Variants in DDTL observed in about 807,000 individuals in gnomAD.
DDTL encodes D-dopachrome tautomerase like.
Under a neutral mutation model 1.1 loss-of-function variants are expected in DDTL, and 1 was observed. That is an observed-to-expected ratio of 0.91 (90% CI 0.32 to 4.31). The LOEUF is 4.31. Ranked by LOEUF, DDTL falls within the 30% of genes most tolerant of loss-of-function variation. The probability of loss-of-function intolerance (pLI) is 0.17; values close to 1 mark genes in which losing one functional copy is unlikely to be tolerated. For synonymous variants in DDTL, 21 were observed against 16.6 expected (o/e 1.26, Z -0.64); for missense variants, 54 against 48.9 (o/e 1.10, Z -0.31).
At position 23,969,872 on chromosome 22, in the gene DDTL, A is replaced by C. The variant is rs373617931; in HGVS notation, c.285-1414A>C. ...CTCCAATAAAGTACACGAAATAAAG[A>C]ATAAAGTTAAACAGTCAGTCCCAGT... On this transcript the variant is annotated intron_variant, in intron 2 of 2. Coordinates refer to ENST00000215770, the MANE Select transcript of DDTL (RefSeq NM_001084393.2). 214 of 985,782 alleles carry C rather than the reference A, an allele frequency of 2.2e-4. 3 individuals are homozygous for C. The African/African-American group carries it at 3.5e-3, about 16-fold the overall frequency. 61.1% of individuals were successfully genotyped at this position (985,782 alleles called of 1,614,324 possible). A position where few individuals can be genotyped will look rare whatever the true frequency, so the allele number is the denominator to read the frequency against.
Position 23,971,842 on chromosome 22 carries a change from A to T in DDTL, c.*436A>T. The stretch of plus-strand genomic sequence containing the variant: ...GGTAGCCGCACATCATGACCCAGCT[A>T]GGACAGACACACAATACAGTAGCCT... On this transcript the variant is annotated 3_prime_UTR_variant, in exon 3 of 3. Transcript: ENST00000215770. The T allele has an allele frequency of 1.7e-6, 1 of 576,410 alleles. No homozygotes were observed. The allele number at this position is 576,410 out of a possible 1,614,324, so 35.7% of individuals were successfully genotyped here. A position where few individuals can be genotyped will look rare whatever the true frequency, so the allele number is the denominator to read the frequency against.
Position 23,971,745 on chromosome 22 carries a change from T to C in DDTL, c.*339T>C, listed in dbSNP as rs1289015545. On this transcript the variant is annotated 3_prime_UTR_variant, in exon 3 of 3. Coordinates refer to ENST00000215770, the MANE Select transcript of DDTL (RefSeq NM_001084393.2). ...AGCCTGCCTCAGTCCACCAGGCATT[T>C]TGCAAACCTGCTCATCCCAATAATG... 1.2e-6 allele frequency: 1 copy of C among 829,658 alleles called. No individual in the cohort carries two copies. The highest frequency in any genetic ancestry group is 2.6e-5 in the East Asian group (1 of 37,838). 51.4% of individuals were successfully genotyped at this position (829,658 alleles called of 1,614,324 possible).
In DDTL at chr22:23,971,487, T is replaced by A. The variant is rs993183169; in HGVS notation, c.*81T>A. 1.2e-5 allele frequency: 20 copies of A among 1,608,740 alleles called. No homozygotes were observed. Among genetic ancestry groups the A allele is most frequent in the Non-Finnish European group, 1.3e-5 (15 of 1,176,490 alleles). On this transcript the variant is annotated 3_prime_UTR_variant, in exon 3 of 3. Transcript: ENST00000215770. ...GCTGGTTATCTCCAGGCCCTCACTC[T>A]GCCAAGAGATCTCTCTGGAAGAAGC...
intron 2 of DDTL, among the ~76,000 whole-genome samples, chr22:23,970,307 T>C (rs2033876892): frequency 6.6e-6 from 1 of 152,098 alleles, no homozygotes; most frequent in Non-Finnish European, 1.5e-5. Flanking sequence ...GGTGTATATG[T>C]GTGTGATGTG....
chr22:23,971,870 G>C lies in DDTL; in HGVS notation c.*464G>C, dbSNP rs2033911459. The stretch of plus-strand genomic sequence containing the variant: ...ACAGACACACAATACAGTAGCCTCG[G>C]TGTGTGTGCCGTACACTCTATCATC... On this transcript the variant is annotated 3_prime_UTR_variant, in exon 3 of 3. Transcript: ENST00000215770. 3.9e-6 allele frequency: 2 copies of C among 512,610 alleles called. No individual in the cohort carries two copies. Among genetic ancestry groups the C allele is most frequent in the African/African-American group, 3.8e-5 (2 of 52,280 alleles). The allele number at this position is 512,610 out of a possible 1,614,324, so 31.8% of individuals were successfully genotyped here. A position where few individuals can be genotyped will look rare whatever the true frequency, so the allele number is the denominator to read the frequency against.
At position 23,971,552 on chromosome 22, in the gene DDTL, C is replaced by T; in HGVS notation, c.*146C>T. On this transcript the variant is annotated 3_prime_UTR_variant, in exon 3 of 3. Coordinates refer to ENST00000215770, the MANE Select transcript of DDTL (RefSeq NM_001084393.2). ...TGCCCTGGATCCCTCCGTGCCCAAT[C>T]ATAAAAAAGTCATGACCGTCCCTAT... 6.2e-7 allele frequency: 1 copy of T among 1,614,034 alleles called. No individual in the cohort carries two copies. Among genetic ancestry groups the T allele is most frequent in the Non-Finnish European group, 8.5e-7 (1 of 1,179,956 alleles).
At chr22:23,970,941 G>C (rs1246968117) in intron 2 of DDTL, among the ~76,000 whole-genome samples, 2 of 151,704 alleles carry the variant, frequency 1.3e-5, no homozygotes, top group Admixed American at 6.6e-5. Context: ...GCAACCCTGG[G>C]GAGGAGGAGG....
chr22:23,969,770 G>T, intron 2 of DDTL: 1 of 985,874 alleles, frequency 1.0e-6, no homozygotes, highest in Non-Finnish European at 1.2e-6. Context: ...AATAATCTGA[G>T]TTTCCACCAC....
chr22:23,971,181 G>C, intron 2 of DDTL, 105 bp from the exon 3 acceptor site: 3 of 1,496,480 alleles, frequency 2.0e-6, no homozygotes, highest in South Asian at 2.8e-5. Flanking sequence ...AGCTGGACCA[G>C]CTGCTCACAC....
Position 23,972,505 on chromosome 22 carries a change from GTTGTA to G in DDTL, c.*1104_*1108del, listed in dbSNP as rs1411393427. The G allele has an allele frequency of 2.3e-5, 4 of 170,770 alleles. No individual in the cohort carries two copies. The highest frequency in any genetic ancestry group is 4.8e-5 in the African/African-American group (2 of 41,242). The allele number at this position is 170,770 out of a possible 1,614,324, so 10.6% of individuals were successfully genotyped here. ...ATATAATGTACGTACTATGTAAATAGTTGTATTGTTTAGGGAATAATGACAAGGAA... is the reference window on the plus strand; with the variant it reads ...ATATAATGTACGTACTATGTAAATAGTTGTTTAGGGAATAATGACAAGGAA... On this transcript the variant is annotated 3_prime_UTR_variant, in exon 3 of 3. Transcript: ENST00000215770.
chr22:23,971,432 A>G lies in DDTL; in HGVS notation c.*26A>G. ...GGATGAAGAAGAGGATTATGTGATC[A>G]CAGGAATGTTGCATGCGGGATAATC... On this transcript the variant is annotated 3_prime_UTR_variant, in exon 3 of 3. Transcript: ENST00000215770. 3 of 1,610,842 alleles carry G rather than the reference A, an allele frequency of 1.9e-6. No individual in the cohort carries two copies. Among genetic ancestry groups the G allele is most frequent in the Non-Finnish European group, 2.5e-6 (3 of 1,178,032 alleles).
rs1028614722 is a variant in DDTL at position 23,970,260 on chromosome 22, G to A, written c.285-1026G>A. On this transcript the variant is annotated intron_variant, in intron 2 of 2. Coordinates refer to ENST00000215770, the MANE Select transcript of DDTL (RefSeq NM_001084393.2). ...TGCGTGTGTATGTGTGCGAATGTCA[G>A]TGAACTGTGTGTGAGTGAATTGTGT... Among the ~76,000 whole-genome samples the A allele has an allele frequency of 2.1e-5, 3 of 141,848 alleles. No individual in the cohort carries two copies. In the East Asian group the frequency reaches 5.8e-4, roughly 27 times the overall value. The allele number at this position is 141,848 out of a possible 152,430, so 93.1% of individuals were successfully genotyped here. A position where few individuals can be genotyped will look rare whatever the true frequency, so the allele number is the denominator to read the frequency against.
rs760478166 is a variant in DDTL at position 23,971,321 on chromosome 22, A to G, written c.320A>G (p.His107Arg). ...PTVLSTSPAA[H>R]GGPRCPGEII... ...GTCTTATCCACCAGCCCTGCTGCCC[A>G]TGGTGGCCCCAGATGCCCAGGAGAG... Residue 107 changes from histidine (H) to arginine (R), a missense_variant, in exon 3 of 3, where the codon CAT (histidine) becomes CGT (arginine). Transcript: ENST00000215770. 3.1e-6 allele frequency: 5 copies of G among 1,614,016 alleles called. No individual in the cohort carries two copies. Among genetic ancestry groups the G allele is most frequent in the Middle Eastern group, 1.6e-4 (1 of 6,078 alleles).
At position 23,972,069 on chromosome 22, in the gene DDTL, G is replaced by T; in HGVS notation, c.*663G>T. The T allele has an allele frequency of 1.5e-6, 1 of 654,604 alleles. No individual in the cohort carries two copies. The highest frequency in any genetic ancestry group is 1.9e-6 in the Non-Finnish European group (1 of 527,892). The allele number at this position is 654,604 out of a possible 1,614,324, so 40.5% of individuals were successfully genotyped here. A position where few individuals can be genotyped will look rare whatever the true frequency, so the allele number is the denominator to read the frequency against. On this transcript the variant is annotated 3_prime_UTR_variant, in exon 3 of 3. Transcript: ENST00000215770. ...GAACATGCCCCTCTCAGAGGTAACA[G>T]CAAGTTTCCAGTGAGGAAAACCAGA...
Position 23,971,317 on chromosome 22 carries a change from G to A in DDTL, c.316G>A (p.Ala106Thr), listed in dbSNP as rs147449141. The change falls in exon 3 of 3, where the codon GCC (alanine) becomes ACC (threonine). Residue 106 changes from alanine to threonine, a missense_variant. Physicochemically the swap from Ala to Thr is moderately conservative, Grantham distance 58. Coordinates refer to ENST00000215770, the MANE Select transcript of DDTL (RefSeq NM_001084393.2). ...TACGGTCTTATCCACCAGCCCTGCTGCCCATGGTGGCCCCAGATGCCCAGG... is the reference window on the plus strand; with the variant it reads ...TACGGTCTTATCCACCAGCCCTGCTACCCATGGTGGCCCCAGATGCCCAGG... ...FPTVLSTSPA[A>T]HGGPRCPGEI... The A allele has an allele frequency of 8.7e-5, 140 of 1,613,952 alleles. No individual in the cohort carries two copies. In the African/African-American group the frequency reaches 1.5e-3, roughly 18 times the overall value.
In DDTL at chr22:23,971,648, T is replaced by G; in HGVS notation, c.*242T>G. 1 of 1,597,126 alleles carries G rather than the reference T, an allele frequency of 6.3e-7. No homozygotes were observed. The highest frequency in any genetic ancestry group is 8.6e-7 in the Non-Finnish European group (1 of 1,165,890). The stretch of plus-strand genomic sequence containing the variant: ...CCTTCAGGAGACAGAGAAAAAGATA[T>G]CATCAGCTCCTTGGCTAATACCACA... On this transcript the variant is annotated 3_prime_UTR_variant, in exon 3 of 3. Coordinates refer to ENST00000215770, the MANE Select transcript of DDTL (RefSeq NM_001084393.2).
chr22:23,971,166 G>T lies in DDTL; in HGVS notation c.285-120G>T, dbSNP rs2033893263. 5 of 1,449,760 alleles carry T rather than the reference G, an allele frequency of 3.4e-6. No individual in the cohort carries two copies. In the East Asian group the frequency reaches 9.2e-5, roughly 27 times the overall value. The allele number at this position is 1,449,760 out of a possible 1,614,324, so 89.8% of individuals were successfully genotyped here. ...CCTCAGGTCAGCAGTCTGCAGGAAG[G>T]CCCCAGCTGGACCAGCTGCTCACAC... On this transcript the variant is annotated intron_variant, in intron 2 of 2. Coordinates refer to ENST00000215770, the MANE Select transcript of DDTL (RefSeq NM_001084393.2).
chr22:23,969,487 T>C (rs2033860676), intron 2 of DDTL: 1 of 986,134 alleles, frequency 1.0e-6, no homozygotes, highest in Non-Finnish European at 1.2e-6. Context: ...AGGTGGGTCA[T>C]GCTGATGTGC....
At chr22:23,970,036 T>C (rs1019890179) in intron 2 of DDTL, among the ~76,000 whole-genome samples, 29 of 152,118 alleles carry the variant, frequency 1.9e-4, no homozygotes, top group African/African-American at 6.3e-4. Context: ...AGAAGTGACC[T>C]TGAGTTGCAC....
Sources: gnomAD v4.1 joint callset for allele counts (sites outside exome capture counted in the v4.1 genomes callset) on GRCh38, gnomAD v4.1.1 for gene constraint, MANE v1.5 for transcripts, NCBI Gene and HGNC (gene_info 2026-07-23, HGNC 2026-07-21) for gene names.